Variants in DOCK3 observed in about 807,000 individuals in gnomAD.
DOCK3 encodes the protein dedicator of cytokinesis protein 3.
DOCK3 carries 60 observed loss-of-function variants against 265.6 expected under a neutral mutation model. The ratio of observed to expected loss-of-function variants is 0.23; its 90% CI spans 0.18 to 0.28. The LOEUF is 0.28. Among genes scored for constraint, DOCK3 ranks in the 10% least tolerant of loss-of-function variants. DOCK3 has a pLI of 1.00. For synonymous variants in DOCK3, 881 were observed against 938.0 expected (o/e 0.94, Z 1.11); for missense variants, 1,981 against 2,594.3 (o/e 0.76, Z 5.14).
intron 14 of DOCK3, among the ~76,000 whole-genome samples, chr3:51,221,538 G>A (rs2090098392): frequency 6.6e-6 from 1 of 152,186 alleles, no homozygotes; most frequent in African/African-American, 2.4e-5. Flanking sequence ...GAAAAGGTTT[G>A]TCAACTCCAA....
At position 51,357,023 on chromosome 3, in the gene DOCK3, G is replaced by A. The variant is rs2086412280; in HGVS notation, c.4565G>A (p.Arg1522His). 7 of 1,613,332 alleles carry A rather than the reference G, an allele frequency of 4.3e-6. 1 individual carries two copies. Among genetic ancestry groups the A allele is most frequent in the Admixed American group, 3.3e-5 (2 of 60,008 alleles). Residue 1522 changes from arginine to histidine, a missense_variant, in exon 44 of 53, where the codon CGC (arginine) becomes CAC (histidine). Arg to His is a conservative substitution (Grantham distance 29, BLOSUM62 0). Transcript: ENST00000266037. Reference sequence around the variant, plus strand: ...GTTGAGAATAAGAACCAGGAGCTACGCTCCCTGATCAGCCAGTATCAACAC... The same window carrying A: ...GTTGAGAATAAGAACCAGGAGCTACACTCCCTGATCAGCCAGTATCAACAC... The part of the protein sequence containing the change: ...QVVENKNQEL[R>H]SLISQYQHKQ...
chr3:51,311,352 A>G (rs757065640), intron 28 of DOCK3, among the ~76,000 whole-genome samples: 2 of 152,168 alleles, frequency 1.3e-5, no homozygotes, highest in Admixed American at 6.5e-5. Flanking sequence ...GGCCCTATGT[A>G]ATGAAACGTA....
At chr3:51,050,537 C>T (rs2080958007) in intron 5 of DOCK3, among the ~76,000 whole-genome samples, 1 of 151,984 alleles carries the variant, frequency 6.6e-6, no homozygotes, top group South Asian at 2.1e-4. Flanking sequence ...TAGAAATTGA[C>T]CCACACTTAT....
intron 12 of DOCK3, among the ~76,000 whole-genome samples, chr3:51,176,400 G>A (rs564464264): frequency 2.0e-5 from 3 of 152,166 alleles, no homozygotes; most frequent in Non-Finnish European, 2.9e-5. Context: ...GGCAGACCAC[G>A]AGGTCAGGAG....
At chr3:51,226,082 A>G (rs1055876428) in intron 15 of DOCK3, among the ~76,000 whole-genome samples, 3 of 152,110 alleles carry the variant, frequency 2.0e-5, no homozygotes, top group African/African-American at 7.2e-5. Flanking sequence ...AGAGCTGCCT[A>G]CTTTTGGTAA....
intron 5 of DOCK3, among the ~76,000 whole-genome samples, chr3:51,047,920 A>T (rs2080840496): frequency 6.6e-6 from 1 of 152,138 alleles, no homozygotes; most frequent in Non-Finnish European, 1.5e-5. Flanking sequence ...AGCGAGACAA[A>T]GACGCTAAAA....
At chr3:50,699,021 C>T (rs1285238174) in intron 1 of DOCK3, among the ~76,000 whole-genome samples, 3 of 152,058 alleles carry the variant, frequency 2.0e-5, no homozygotes, top group Non-Finnish European at 4.4e-5. Flanking sequence ...TTGTCAGTGC[C>T]GTTGGCGTAT....
At chr3:51,090,456 A>G (rs893730412) in intron 9 of DOCK3, 72 bp downstream of exon 9, 2 of 1,438,382 alleles carry the variant, frequency 1.4e-6, no homozygotes, top group South Asian at 2.9e-5. Context: ...TCTGGCCATC[A>G]GAGAAGACAG....
intron 5 of DOCK3, among the ~76,000 whole-genome samples, chr3:50,972,481 C>T (rs768177948): frequency 5.3e-5 from 8 of 152,234 alleles, no homozygotes; most frequent in Non-Finnish European, 1.2e-4. Context: ...GTCACTTCTA[C>T]CCCACAGATG....
At chr3:51,362,731 A>C in intron 49 of DOCK3, 57 bp downstream of exon 49, 1 of 1,580,266 alleles carries the variant, frequency 6.3e-7, no homozygotes, top group Non-Finnish European at 8.6e-7. Flanking sequence ...CATCAACGCC[A>C]CTCGGCTTCC....
At chr3:50,815,779 T>C (rs1050380424) in intron 2 of DOCK3, among the ~76,000 whole-genome samples, 2 of 152,330 alleles carry the variant, frequency 1.3e-5, no homozygotes, top group East Asian at 3.9e-4. Context: ...ACGGATTTAC[T>C]TACAGATCTC....
At chr3:51,009,564 A>T (rs9682492) in intron 5 of DOCK3, among the ~76,000 whole-genome samples, 136,719 of 151,708 alleles carry the variant, frequency 0.9, 61,797 homozygotes, top group African/African-American at 0.95. Context: ...TTTTCAAAAA[A>T]CCAGCTCCTG....
At chr3:51,052,782 T>C (rs2081041351) in intron 5 of DOCK3, among the ~76,000 whole-genome samples, 2 of 152,124 alleles carry the variant, frequency 1.3e-5, no homozygotes, top group Non-Finnish European at 2.9e-5. Flanking sequence ...AGATGCTATA[T>C]GTAATCAAGA....
chr3:51,128,353 A>G (rs1394114842), intron 9 of DOCK3, among the ~76,000 whole-genome samples: 2 of 152,322 alleles, frequency 1.3e-5, no homozygotes, highest in Non-Finnish European at 1.5e-5. Flanking sequence ...CAGCCCTGCA[A>G]AGTATTGTCA....
At chr3:50,999,929 C>T (rs527824239) in intron 5 of DOCK3, among the ~76,000 whole-genome samples, 2 of 152,128 alleles carry the variant, frequency 1.3e-5, no homozygotes, top group Admixed American at 6.6e-5. Flanking sequence ...TAAAACGACA[C>T]CCAAGAAAAG....
At chr3:51,311,804 G>A (rs2083079168) in intron 28 of DOCK3, among the ~76,000 whole-genome samples, 200 bp from the exon 29 acceptor site, 2 of 152,182 alleles carry the variant, frequency 1.3e-5, no homozygotes, top group South Asian at 4.1e-4. Flanking sequence ...CAACTGTGGG[G>A]CATTTCTCCA....
At chr3:50,829,713 A>T (rs992819401) in intron 2 of DOCK3, among the ~76,000 whole-genome samples, 17 of 152,186 alleles carry the variant, frequency 1.1e-4, no homozygotes, top group Non-Finnish European at 5.9e-5. Flanking sequence ...TTTTGTCCAA[A>T]GCAAAGTTTT....
intron 9 of DOCK3, among the ~76,000 whole-genome samples, chr3:51,145,227 T>TTTA (rs150240532): frequency 4.1e-4 from 63 of 151,856 alleles, no homozygotes; most frequent in East Asian, 1.6e-3. Flanking sequence ...TGGATCTCTT[T>TTTA]TTATTATTAT....
intron 5 of DOCK3, among the ~76,000 whole-genome samples, chr3:51,051,211 A>C (rs545062955): frequency 1.1e-3 from 168 of 152,242 alleles, no homozygotes; most frequent in Non-Finnish European, 1.7e-3. Context: ...TATATAAGTA[A>C]ATTTAAAGGA....
Sources: gnomAD v4.1 joint callset for allele counts (sites outside exome capture counted in the v4.1 genomes callset) on GRCh38, gnomAD v4.1.1 for gene constraint, MANE v1.5 for transcripts, NCBI Gene and HGNC (gene_info 2026-07-23, HGNC 2026-07-21) for gene names.